GFY: variants seen among roughly 807,000 people sequenced by gnomAD.
GFY encodes golgi associated olfactory signaling regulator.
GFY carries 28 observed loss-of-function variants against 29.1 expected under a neutral mutation model. The ratio of observed to expected loss-of-function variants is 0.96; its 90% CI spans 0.71 to 1.32. The LOEUF (loss-of-function observed/expected upper bound fraction) is 1.32. GFY is among the 40% of genes most tolerant of loss of function. GFY has a pLI of 0.00. For synonymous variants in GFY, 277 were observed against 274.5 expected, an observed-to-expected ratio of 1.01 and a Z score of -0.09; for missense variants, 656 against 661.9, an observed-to-expected ratio of 0.99 and a Z score of 0.10.
At position 49,427,981 on chromosome 19, in the gene GFY, G is replaced by T. The variant is rs2122283786; in HGVS notation, c.1219G>T (p.Gly407Cys). 1 of 1,535,636 alleles carries T rather than the reference G, an allele frequency of 6.5e-7. No individual in the cohort carries two copies. The highest frequency in any genetic ancestry group is 1.2e-5 in the South Asian group (1 of 84,054). The change falls in exon 3 of 4, where the codon GGC (glycine) becomes TGC (cysteine). Residue 407 changes from glycine to cysteine, a missense_variant. Transcript: ENST00000610896. Reference sequence around the variant, plus strand: ...GGTGGGGCGACCACGTGGCGCAGCAGGCGGGGCCCTCTGCCTGTTCTTCGC... The same window carrying T: ...GGTGGGGCGACCACGTGGCGCAGCATGCGGGGCCCTCTGCCTGTTCTTCGC... ...TLVGRPRGAA[G>C]GALCLFFAGT...
At chr19:49,427,856 G>T in intron 2 of GFY, 90 bp from the exon 3 acceptor site, 1 of 1,424,934 alleles carries the variant, frequency 7.0e-7, no homozygotes, top group East Asian at 2.5e-5. Flanking sequence ...AGGAATTCCT[G>T]GATCTGAGGG....
chr19:49,423,799 A>G (rs1975045840), upstream of GFY: 1 of 164,276 alleles, frequency 6.1e-6, no homozygotes, highest in African/African-American at 2.4e-5. Context: ...CGAGGAAGAA[A>G]TAGAGAGAAA....
upstream of GFY, among the ~76,000 whole-genome samples, chr19:49,424,561 G>A (rs1220582394): frequency 6.6e-6 from 1 of 151,638 alleles, no homozygotes; most frequent in African/African-American, 2.4e-5. Flanking sequence ...ACTCTTAAGA[G>A]GGGCCTCAGC....
In GFY at chr19:49,428,889, G is replaced by T. The variant is rs942505169; in HGVS notation, c.*71G>T. 6 of 1,064,206 alleles carry T rather than the reference G, an allele frequency of 5.6e-6. No individual in the cohort carries two copies. Among genetic ancestry groups the T allele is most frequent in the Non-Finnish European group, 7.8e-6 (6 of 773,880 alleles). The allele number at this position is 1,064,206 out of a possible 1,614,324, so 65.9% of individuals were successfully genotyped here. On this transcript the variant is annotated 3_prime_UTR_variant, in exon 4 of 4. Transcript: ENST00000610896. ...AAACCCTGCGCTTCTGGTATGCTTA[G>T]CTAGAGTAGTGCCCCGGATAAAGGG...
Position 49,427,311 on chromosome 19 carries a change from A to T in GFY, c.881A>T (p.Asp294Val), listed in dbSNP as rs1306698938. The T allele has an allele frequency of 6.5e-7, 1 of 1,536,174 alleles. No homozygotes were observed. Among genetic ancestry groups the T allele is most frequent in the Non-Finnish European group, 8.7e-7 (1 of 1,146,902 alleles). The change falls in exon 2 of 4, where the codon GAT becomes GTT. Residue 294 changes from aspartate (D) to valine (V), a missense_variant. Physicochemically the swap from Asp to Val is radical, Grantham distance 152. Transcript: ENST00000610896. ...LYPETPVPFKDDATALNELSL... is the reference protein window; with the variant it reads ...LYPETPVPFKVDATALNELSL... Reference sequence around the variant, plus strand: ...CCAGAAACACCTGTGCCCTTCAAGGATGACGCCACTGCTCTAAATGAGCTG... The same window carrying T: ...CCAGAAACACCTGTGCCCTTCAAGGTTGACGCCACTGCTCTAAATGAGCTG...
At chr19:49,424,457 G>A (rs1015316957), upstream of GFY, among the ~76,000 whole-genome samples, 1 of 152,122 alleles carries the variant, frequency 6.6e-6, no homozygotes, top group Non-Finnish European at 1.5e-5. Flanking sequence ...TGTTGGCCAG[G>A]CTGGTCTTGA....
intron 1 of GFY, among the ~76,000 whole-genome samples, chr19:49,425,803 A>G (rs1173979751): frequency 6.6e-6 from 1 of 151,924 alleles, no homozygotes; most frequent in African/African-American, 2.4e-5. Flanking sequence ...CCAGCCCCCA[A>G]ACCTTGCTCC....
chr19:49,424,003 A>G (rs1975047470), upstream of GFY: 1 of 152,242 alleles, frequency 6.6e-6, no homozygotes, highest in Non-Finnish European at 1.5e-5. Context: ...GCCCAGAAAG[A>G]TCGAGGGTGA....
At chr19:49,423,946 G>A (rs1456298772), upstream of GFY, 8 of 152,496 alleles carry the variant, frequency 5.2e-5, no homozygotes, top group African/African-American at 1.9e-4. Flanking sequence ...ATGGAAGGAC[G>A]TCCTGGTCTG....
chr19:49,424,274 C>T (rs58892842), upstream of GFY, among the ~76,000 whole-genome samples: 1,499 of 152,268 alleles, frequency 9.8e-3, 21 homozygotes, highest in South Asian at 0.073. Flanking sequence ...TGGAGTCTTG[C>T]TCTTGTTGCC....
intron 3 of GFY, 42 bp downstream of exon 3, chr19:49,428,161 CT>C (rs751652652): frequency 6.6e-7 from 1 of 1,510,900 alleles, no homozygotes; most frequent in South Asian, 1.2e-5. Flanking sequence ...TTTCCATAAC[CT>C]GGTCTCTCCC....
Position 49,428,653 on chromosome 19 carries a change from C to A in GFY, c.1392C>A (p.Asp464Glu). Residue 464 changes from aspartate (D) to glutamate (E), a missense_variant, in exon 4 of 4, where the codon GAC (aspartate) becomes GAA (glutamate). Asp to Glu is a conservative substitution (Grantham distance 45, BLOSUM62 2). Transcript: ENST00000610896. ...TGGACGCCCCGAAAGACCCCTACGA[C>A]CTCTACTTTTATGCTCCGGATACCT... The part of the protein sequence containing the change: ...LHLDAPKDPY[D>E]LYFYAPDTWV... 1 of 1,523,874 alleles carries A rather than the reference C, an allele frequency of 6.6e-7. No individual in the cohort carries two copies. The highest frequency in any genetic ancestry group is 8.8e-7 in the Non-Finnish European group (1 of 1,140,318). 94.4% of individuals were successfully genotyped at this position (1,523,874 alleles called of 1,614,324 possible).
intron 3 of GFY, 67 bp downstream of exon 3, chr19:49,428,186 G>T: frequency 1.3e-6 from 2 of 1,481,938 alleles, no homozygotes; most frequent in Non-Finnish European, 1.8e-6. Context: ...ACTACAGGGC[G>T]CCAGCCAAAA....
Position 49,428,956 on chromosome 19 carries a change from G to T in GFY, c.*138G>T. The T allele has an allele frequency of 1.8e-6, 1 of 567,044 alleles. No homozygotes were observed. The highest frequency in any genetic ancestry group is 2.8e-6 in the Non-Finnish European group (1 of 351,346). The allele number at this position is 567,044 out of a possible 1,614,324, so 35.1% of individuals were successfully genotyped here. A position where few individuals can be genotyped will look rare whatever the true frequency, so the allele number is the denominator to read the frequency against. ...GCTTGCGCTGTGATCAGAGAACAAG[G>T]TCTGAGACCGAATAAATATCATGTT... On this transcript the variant is annotated 3_prime_UTR_variant, in exon 4 of 4. Coordinates refer to ENST00000610896, the MANE Select transcript of GFY (RefSeq NM_001195256.2).
Position 49,427,847 on chromosome 19 carries a change from G to T in GFY, c.1184-99G>T, listed in dbSNP as rs1393658970. The T allele has an allele frequency of 5.0e-6, 7 of 1,398,610 alleles. No individual in the cohort carries two copies. In the East Asian group the frequency reaches 1.5e-4, roughly 30 times the overall value. 86.6% of individuals were successfully genotyped at this position (1,398,610 alleles called of 1,614,324 possible). A position where few individuals can be genotyped will look rare whatever the true frequency, so the allele number is the denominator to read the frequency against. On this transcript the variant is annotated intron_variant, in intron 2 of 3. Coordinates refer to ENST00000610896, the MANE Select transcript of GFY (RefSeq NM_001195256.2). ...TCTGAGGGAGAAGGGTTTGGGAACA[G>T]GAATTCCTGGATCTGAGGGAGGAGG...
At position 49,426,796 on chromosome 19, in the gene GFY, A is replaced by T; in HGVS notation, c.366A>T (p.Lys122Asn). Residue 122 changes from lysine to asparagine, a missense_variant, in exon 2 of 4, where the codon AAA becomes AAT. Physicochemically the swap from Lys to Asn is moderately conservative, Grantham distance 94. Coordinates refer to ENST00000610896, the MANE Select transcript of GFY (RefSeq NM_001195256.2). ...TSISESLDMP[K>N]TNLSKMAHPE... ...TATCAGAATCCCTGGACATGCCCAA[A>T]ACTAACCTCTCCAAAATGGCACACC... is the stretch of plus-strand genomic sequence containing the variant. 1 of 1,535,050 alleles carries T rather than the reference A, an allele frequency of 6.5e-7. No individual in the cohort carries two copies. The highest frequency in any genetic ancestry group is 1.2e-5 in the South Asian group (1 of 83,984).
chr19:49,424,934 G>A (rs1257180514), upstream of GFY, among the ~76,000 whole-genome samples: 1 of 152,144 alleles, frequency 6.6e-6, no homozygotes, highest in Non-Finnish European at 1.5e-5. Context: ...CTTGGGATGT[G>A]GGAACTTGGG....
chr19:49,427,588 C>A lies in GFY; in HGVS notation c.1158C>A (p.Ile386=), dbSNP rs926142280. The change falls in exon 2 of 4, where the codon ATC becomes ATA. Residue 386 remains isoleucine (I), a synonymous_variant. Transcript: ENST00000610896. The part of the protein sequence containing the change: ...HSRGEGVNTI[I]VVERVKETGV... ...GAGGTGAGGGAGTCAACACCATCAT[C>A]GTGGTGGAGCGAGTGAAGGAGACCG... The A allele has an allele frequency of 1.4e-6, 2 of 1,478,836 alleles. No individual in the cohort carries two copies. Among genetic ancestry groups the A allele is most frequent in the African/African-American group, 2.8e-5 (2 of 70,694 alleles). The allele number at this position is 1,478,836 out of a possible 1,614,324, so 91.6% of individuals were successfully genotyped here. A position where few individuals can be genotyped will look rare whatever the true frequency, so the allele number is the denominator to read the frequency against.
Position 49,427,567 on chromosome 19 carries a change from T to C in GFY, c.1137T>C (p.Gly379=), listed in dbSNP as rs1363591471. The change falls in exon 2 of 4, where the codon GGT becomes GGC. Residue 379 remains glycine, a synonymous_variant. Coordinates refer to ENST00000610896, the MANE Select transcript of GFY (RefSeq NM_001195256.2). ...TLRAPQRHSR[G]EGVNTIIVVE... is the part of the protein sequence containing the mutation. ...GGGCACCCCAGAGGCACAGCCGAGG[T>C]GAGGGAGTCAACACCATCATCGTGG... The C allele has an allele frequency of 2.0e-6, 3 of 1,496,498 alleles. No individual in the cohort carries two copies. The highest frequency in any genetic ancestry group is 2.2e-5 in the Admixed American group (1 of 45,214). The allele number at this position is 1,496,498 out of a possible 1,614,324, so 92.7% of individuals were successfully genotyped here.
Sources: gnomAD v4.1 joint callset for allele counts (sites outside exome capture counted in the v4.1 genomes callset) on GRCh38, gnomAD v4.1.1 for gene constraint, MANE v1.5 for transcripts, NCBI Gene and HGNC (gene_info 2026-07-23, HGNC 2026-07-21) for gene names.